The following NALF1 variants were observed in gnomAD, a reference collection of about 807,000 sequenced individuals.
NALF1 encodes family with sequence similarity 155 member A.
NALF1 carries 3 observed loss-of-function variants against 48.4 expected under a neutral mutation model. The observed-to-expected ratio is 0.06, with a 90% CI of 0.03 to 0.16. The LOEUF (loss-of-function observed/expected upper bound fraction) is 0.16, where lower values mean the gene tolerates loss of function less well. NALF1 is among the 10% of genes least tolerant of loss of function. The probability of loss-of-function intolerance (pLI) is 1.00; values close to 1 mark genes in which losing one functional copy is unlikely to be tolerated. For missense variants in NALF1, 526 were observed against 571.5 expected, an observed-to-expected ratio of 0.92 and a Z score of 0.81; for synonymous variants, 262 against 245.7, an observed-to-expected ratio of 1.07 and a Z score of -0.62.
intron 1 of NALF1, among the ~76,000 whole-genome samples, chr13:107,316,425 G>A (rs1882151507): frequency 6.6e-6 from 1 of 152,160 alleles, no homozygotes; most frequent in African/African-American, 2.4e-5. Flanking sequence ...TAATGGGATG[G>A]CTGGGTCAAA....
intron 1 of NALF1, among the ~76,000 whole-genome samples, chr13:107,665,131 G>C (rs1446943975): frequency 2.0e-5 from 3 of 152,042 alleles, no homozygotes; most frequent in Admixed American, 6.6e-5. Flanking sequence ...TTTTCTTACT[G>C]TAGAAGAAAT....
chr13:107,629,071 G>T (rs543172579), intron 1 of NALF1, among the ~76,000 whole-genome samples: 1 of 152,222 alleles, frequency 6.6e-6, no homozygotes, highest in South Asian at 2.1e-4. Context: ...CAACCACACA[G>T]TGTTGTGCCT....
chr13:107,802,432 A>G (rs1878647514), intron 1 of NALF1, among the ~76,000 whole-genome samples: 1 of 152,322 alleles, frequency 6.6e-6, no homozygotes, highest in Admixed American at 6.5e-5. Flanking sequence ...AAATCATATT[A>G]TTTATAAATT....
intron 1 of NALF1, among the ~76,000 whole-genome samples, chr13:107,285,779 C>G (rs1881481215): frequency 6.6e-6 from 1 of 151,870 alleles, no homozygotes; most frequent in African/African-American, 2.4e-5. Flanking sequence ...AAAGAATAAG[C>G]AAAGCTGCTG....
intron 1 of NALF1, among the ~76,000 whole-genome samples, chr13:107,687,562 C>T (rs188704643): frequency 5.0e-4 from 76 of 151,102 alleles, no homozygotes; most frequent in Admixed American, 5.3e-4. Flanking sequence ...GGTCACAAAC[C>T]GAAGTGTAGG....
intron 1 of NALF1, among the ~76,000 whole-genome samples, chr13:107,340,322 G>C (rs887379273): frequency 2.6e-5 from 4 of 151,840 alleles, no homozygotes; most frequent in Non-Finnish European, 5.9e-5. Flanking sequence ...TGTATGTTTA[G>C]TAGAGACAGG....
At chr13:107,238,084 C>G (rs1448448616) in intron 1 of NALF1, among the ~76,000 whole-genome samples, 3 of 152,134 alleles carry the variant, frequency 2.0e-5, no homozygotes, top group African/African-American at 7.2e-5. Flanking sequence ...TACAAGCTAA[C>G]CGTTTAAAAT....
chr13:107,506,959 T>C (rs751708326), intron 1 of NALF1, among the ~76,000 whole-genome samples: 9 of 152,050 alleles, frequency 5.9e-5, no homozygotes, highest in Non-Finnish European at 1.2e-4. Context: ...TTAAAAACTA[T>C]TATATAATTC....
At chr13:107,645,680 CAAAAAAAAAAAAAAAA>C (rs56187783) in intron 1 of NALF1, among the ~76,000 whole-genome samples, 1 of 132,502 alleles carries the variant, frequency 7.5e-6, no homozygotes, top group South Asian at 2.4e-4. Flanking sequence ...TACTGGGAGA[CAAAAAAAAAAAAAAAA>C]AAAAAAAAAT....
chr13:107,712,045 T>C (rs776158330), intron 1 of NALF1, among the ~76,000 whole-genome samples: 1 of 151,774 alleles, frequency 6.6e-6, no homozygotes, highest in Non-Finnish European at 1.5e-5. Context: ...AATATACAAA[T>C]AAAACCATGA....
intron 1 of NALF1, among the ~76,000 whole-genome samples, chr13:107,825,024 A>T (rs979863099): frequency 1.3e-5 from 2 of 152,224 alleles, no homozygotes; most frequent in African/African-American, 4.8e-5. Context: ...GTTACTTGTT[A>T]GTTTATATTC....
chr13:107,718,409 T>G (rs1238932372), intron 1 of NALF1, among the ~76,000 whole-genome samples: 1 of 152,138 alleles, frequency 6.6e-6, no homozygotes, highest in Non-Finnish European at 1.5e-5. Context: ...CTCATCCCAC[T>G]TCCTCCCCAC....
At chr13:107,854,469 T>G (rs1439219136) in intron 1 of NALF1, among the ~76,000 whole-genome samples, 1 of 152,258 alleles carries the variant, frequency 6.6e-6, no homozygotes, top group Admixed American at 6.5e-5. Context: ...TTAAATGATT[T>G]AAGATTCACA....
At chr13:107,529,067 C>T (rs1876540531) in intron 1 of NALF1, among the ~76,000 whole-genome samples, 1 of 152,028 alleles carries the variant, frequency 6.6e-6, no homozygotes. Context: ...TCTGTTTTCC[C>T]ACGGCACCCT....
At chr13:107,431,853 A>G (rs549088918) in intron 1 of NALF1, among the ~76,000 whole-genome samples, 1 of 152,282 alleles carries the variant, frequency 6.6e-6, no homozygotes, top group South Asian at 2.1e-4. Flanking sequence ...TGCATCTAGA[A>G]TGGCAGTAAT....
chr13:107,220,401 T>C (rs1240741530), intron 1 of NALF1, among the ~76,000 whole-genome samples: 2 of 152,230 alleles, frequency 1.3e-5, no homozygotes, highest in Non-Finnish European at 2.9e-5. Flanking sequence ...TCTGCATTAC[T>C]GTCAGAAAAA....
At chr13:107,622,226 C>T (rs1290160471) in intron 1 of NALF1, among the ~76,000 whole-genome samples, 7 of 151,992 alleles carry the variant, frequency 4.6e-5, no homozygotes, top group Non-Finnish European at 8.8e-5. Context: ...GTCAGGAGTT[C>T]AAGACCAGCC....
chr13:107,203,744 T>C (rs1879572813), intron 2 of NALF1, among the ~76,000 whole-genome samples: 1 of 152,200 alleles, frequency 6.6e-6, no homozygotes, highest in African/African-American at 2.4e-5. Context: ...CTCCCGTCCC[T>C]GCAAGTGCTC....
intron 1 of NALF1, among the ~76,000 whole-genome samples, chr13:107,257,281 A>G (rs1880836312): frequency 6.6e-6 from 1 of 152,132 alleles, no homozygotes; most frequent in Admixed American, 6.6e-5. Context: ...GTTGTTAACC[A>G]TTTATGTATT....
Sources: allele counts gnomAD v4.1 joint callset (sites outside exome capture counted in the v4.1 genomes callset), GRCh38; gene constraint gnomAD v4.1.1; transcripts MANE v1.5; gene names NCBI Gene and HGNC (gene_info 2026-07-23, HGNC 2026-07-21).